The following GCFC2 variants were observed in gnomAD, a reference collection of about 807,000 sequenced individuals.
GCFC2 encodes the protein intron Large complex component GCFC2.
Under a neutral mutation model 99.4 loss-of-function variants are expected in GCFC2, and 102 were observed. That is an observed-to-expected ratio of 1.03 (90% CI 0.87 to 1.21). The LOEUF is 1.21. GCFC2 is among the 50% of genes most tolerant of loss of function. The probability of loss-of-function intolerance (pLI) is 0.00; values close to 1 mark genes in which losing one functional copy is unlikely to be tolerated. For synonymous variants in GCFC2, 338 were observed against 316.8 expected (o/e 1.07, Z -0.71); for missense variants, 973 against 920.9 (o/e 1.06, Z -0.73).
rs1285036358 is a variant in GCFC2 at position 75,702,457 on chromosome 2, A to G, written c.395-34T>C. On this transcript the variant is annotated intron_variant, in intron 2 of 16. Coordinates refer to ENST00000321027, the MANE Select transcript of GCFC2 (RefSeq NM_003203.5). The stretch of plus-strand genomic sequence containing the variant: ...AACAAAGACGAGGACACTAAAAACC[A>G]AAGACCAATGTAAGTAAATATTCCT... 4 of 1,561,662 alleles carry G rather than the reference A, an allele frequency of 2.6e-6. No homozygotes were observed. In the South Asian group the frequency reaches 4.6e-5, roughly 18 times the overall value.
At chr2:75,697,023 T>C (rs1680358440) in intron 4 of GCFC2, among the ~76,000 whole-genome samples, 1 of 152,144 alleles carries the variant, frequency 6.6e-6, no homozygotes, top group South Asian at 2.1e-4. Context: ...CCTGACCTCG[T>C]CATCTGCCTG....
intron 4 of GCFC2, among the ~76,000 whole-genome samples, chr2:75,700,133 G>T (rs1680517068): frequency 6.6e-6 from 1 of 152,050 alleles, no homozygotes; most frequent in South Asian, 2.1e-4. Context: ...TTGTACTCAA[G>T]TGATCCACCT....
At chr2:75,693,416 G>C (rs565670839) in intron 6 of GCFC2, among the ~76,000 whole-genome samples, 108 of 152,016 alleles carry the variant, frequency 7.1e-4, no homozygotes, top group African/African-American at 2.6e-3. Context: ...GTCCAGCCTG[G>C]GTGACAGAGC....
Position 75,694,345 on chromosome 2 carries a change from T to C in GCFC2, c.916A>G (p.Thr306Ala). The change falls in exon 6 of 17, where the codon ACC becomes GCC. Residue 306 changes from threonine to alanine, a missense_variant. Transcript: ENST00000321027. ...YVQDVKSSKS[T>A]IQNLESSSNQ... ...GATGAACTCTCTAGGTTCTGGATGGTACTCTTTGAGCTTTTGACATCTTGT... is the reference window on the plus strand; with the variant it reads ...GATGAACTCTCTAGGTTCTGGATGGCACTCTTTGAGCTTTTGACATCTTGT... 8.7e-6 allele frequency: 13 copies of C among 1,500,348 alleles called. No homozygotes were observed. Among genetic ancestry groups the C allele is most frequent in the Non-Finnish European group, 1.2e-5 (13 of 1,087,936 alleles). The allele number at this position is 1,500,348 out of a possible 1,614,324, so 92.9% of individuals were successfully genotyped here. A position where few individuals can be genotyped will look rare whatever the true frequency, so the allele number is the denominator to read the frequency against.
chr2:75,664,891 T>A, intron 16 of GCFC2, 108 bp from the exon 17 acceptor site: 1 of 654,590 alleles, frequency 1.5e-6, no homozygotes. Flanking sequence ...AGCTTTACCT[T>A]AAGCCAATAT....
In GCFC2 at chr2:75,663,573, G is replaced by T. The variant is rs1016600913; in HGVS notation, c.*1093C>A. Reference sequence around the variant, plus strand: ...TCAAAAAACATCAACAAATTTAAAAGAAAGGCCAAACATGGTTGCTCAAGC... The same window carrying T: ...TCAAAAAACATCAACAAATTTAAAATAAAGGCCAAACATGGTTGCTCAAGC... On this transcript the variant is annotated 3_prime_UTR_variant, in exon 17 of 17. Transcript: ENST00000321027. 1.3e-5 allele frequency: 2 copies of T among 151,942 alleles called. No homozygotes were observed. The highest frequency in any genetic ancestry group is 4.8e-5 in the African/African-American group (2 of 41,390). The allele number at this position is 151,942 out of a possible 1,614,324, so 9.4% of individuals were successfully genotyped here. A position where few individuals can be genotyped will look rare whatever the true frequency, so the allele number is the denominator to read the frequency against.
chr2:75,682,394 G>A (rs546404371), intron 11 of GCFC2, among the ~76,000 whole-genome samples: 1 of 151,958 alleles, frequency 6.6e-6, no homozygotes, highest in South Asian at 2.1e-4. Context: ...GAAAAGAATA[G>A]TATCAGCATC....
chr2:75,676,641 G>A (rs1436649051), intron 12 of GCFC2, among the ~76,000 whole-genome samples: 4 of 152,122 alleles, frequency 2.6e-5, no homozygotes, highest in African/African-American at 9.7e-5. Context: ...AAACTCCCAT[G>A]TACCTGTTTT....
intron 7 of GCFC2, among the ~76,000 whole-genome samples, chr2:75,691,543 A>G (rs182019004): frequency 1.2e-3 from 178 of 152,266 alleles, no homozygotes; most frequent in Admixed American, 4.5e-3. Flanking sequence ...TCAAAGGAAG[A>G]TATCTCTGAA....
intron 2 of GCFC2, 127 bp from the exon 3 acceptor site, chr2:75,702,550 C>A (rs1680656966): frequency 4.4e-6 from 3 of 686,642 alleles, no homozygotes; most frequent in East Asian, 5.4e-5. Context: ...ATGAATGTGA[C>A]TTTAATAAAT....
intron 1 of GCFC2, among the ~76,000 whole-genome samples, chr2:75,708,448 T>G (rs1291834006): frequency 1.3e-5 from 2 of 150,712 alleles, no homozygotes; most frequent in Admixed American, 6.6e-5. Context: ...AACAGAGTTT[T>G]AAGGTAAGAG....
intron 14 of GCFC2, among the ~76,000 whole-genome samples, chr2:75,671,255 C>G (rs1212687802): frequency 6.6e-6 from 1 of 152,196 alleles, no homozygotes; most frequent in Non-Finnish European, 1.5e-5. Flanking sequence ...CCTTGGCCTA[C>G]TTCTCATGCT....
At chr2:75,712,821 G>T (rs1247363066), upstream of GCFC2, among the ~76,000 whole-genome samples, 1 of 152,064 alleles carries the variant, frequency 6.6e-6, no homozygotes, top group African/African-American at 2.4e-5. Flanking sequence ...TCACCGCGAG[G>T]GTCCGCAGCT....
chr2:75,681,460 C>G (rs1473956287), intron 11 of GCFC2, among the ~76,000 whole-genome samples: 1 of 151,934 alleles, frequency 6.6e-6, no homozygotes, highest in Non-Finnish European at 1.5e-5. Flanking sequence ...CCTCCAGTGC[C>G]TACCCCACCA....
upstream of GCFC2, among the ~76,000 whole-genome samples, chr2:75,712,862 C>T (rs551172672): frequency 5.5e-4 from 83 of 152,278 alleles, no homozygotes; most frequent in Non-Finnish European, 1.0e-3. Context: ...ACCAAGAACC[C>T]ACCAATTCCG....
chr2:75,689,903 C>T lies in GCFC2; in HGVS notation c.1339+66G>A, dbSNP rs896657089. 6.0e-6 allele frequency: 5 copies of T among 826,574 alleles called. No individual in the cohort carries two copies. The Admixed American group carries it at 7.0e-5, about 12-fold the overall frequency. The allele number at this position is 826,574 out of a possible 1,614,324, so 51.2% of individuals were successfully genotyped here. On this transcript the variant is annotated intron_variant, in intron 9 of 16. Coordinates refer to ENST00000321027, the MANE Select transcript of GCFC2 (RefSeq NM_003203.5). ...AGCTTATGTACTTATTAAGGGCAAT[C>T]CCAGCAAAGTGTTTCTCACCATTTC...
At chr2:75,707,677 C>G (rs563102312) in intron 1 of GCFC2, among the ~76,000 whole-genome samples, 10 of 152,296 alleles carry the variant, frequency 6.6e-5, no homozygotes. Context: ...CATGGTTTAT[C>G]AATCCCTGGA....
In GCFC2 at chr2:75,672,032, CG is replaced by C. The variant is rs746460361; in HGVS notation, c.1890-17del. The C allele has an allele frequency of 2.7e-5, 38 of 1,432,542 alleles. No homozygotes were observed. The African/African-American group carries it at 4.6e-4, about 17-fold the overall frequency. 88.7% of individuals were successfully genotyped at this position (1,432,542 alleles called of 1,614,324 possible). A position where few individuals can be genotyped will look rare whatever the true frequency, so the allele number is the denominator to read the frequency against. On this transcript the variant is annotated splice_polypyrimidine_tract_variant and intron_variant, in intron 13 of 16. Coordinates refer to ENST00000321027, the MANE Select transcript of GCFC2 (RefSeq NM_003203.5). ...TTCTACAGCACTAATTAGAAACAAA[CG>C]AAAGAGAAGAGAAAATGCAAAGAAC...
Position 75,665,942 on chromosome 2 carries a change from T to C in GCFC2, c.2215A>G (p.Arg739Gly). 3.8e-6 allele frequency: 6 copies of C among 1,590,314 alleles called. No individual in the cohort carries two copies. The highest frequency in any genetic ancestry group is 5.2e-6 in the Non-Finnish European group (6 of 1,161,782). ...AATATGCATTACCTGAATTCACTTC[T>C]AGATAATTTATGTGCAGACTGCAAT... ...FLLQSAHKLSRSEFRDEVEEI... is the reference protein window; with the variant it reads ...FLLQSAHKLSGSEFRDEVEEI... Residue 739 changes from arginine to glycine, a missense_variant, in exon 16 of 17, where the codon AGA becomes GGA. Coordinates refer to ENST00000321027, the MANE Select transcript of GCFC2 (RefSeq NM_003203.5).
Sources: gnomAD v4.1 joint callset for allele counts (sites outside exome capture counted in the v4.1 genomes callset) on GRCh38, gnomAD v4.1.1 for gene constraint, MANE v1.5 for transcripts, NCBI Gene and HGNC (gene_info 2026-07-23, HGNC 2026-07-21) for gene names.